PJA2: variants seen among roughly 807,000 people sequenced by gnomAD.
PJA2 encodes E3 ubiquitin-protein ligase Praja-2.
A neutral mutation model predicts 69.3 loss-of-function variants in PJA2; 25 were observed. The observed-to-expected ratio is 0.36, with a 90% CI of 0.26 to 0.50. PJA2 has a LOEUF of 0.50. Ranked by LOEUF, PJA2 falls within the 20% of genes least tolerant of loss-of-function variation. The pLI is 0.96. For missense variants in PJA2, 809 were observed against 830.2 expected (o/e 0.97, Z 0.31); for synonymous variants, 308 against 277.8 (o/e 1.11, Z -1.08).
At position 109,378,598 on chromosome 5, in the gene PJA2, G is replaced by A. The variant is rs754248565; in HGVS notation, c.889C>T (p.Gln297Ter). 6.2e-7 allele frequency: 1 copy of A among 1,614,012 alleles called. No homozygotes were observed. The change falls in exon 4 of 10, where the codon CAA (glutamine) becomes TAA (stop). Residue 297 changes from glutamine to a stop codon, truncating the protein, a stop_gained. Transcript: ENST00000361189. LOFTEE classifies it high-confidence loss of function. ...TTCTTTTCCCTATCATTGGTATTTT[G>A]TTCACTACAAATATGCCCTGGACCA... is the stretch of plus-strand genomic sequence containing the variant. ...ACGPGHICSE[Q>*]NTNDREKNHG...
Position 109,378,973 on chromosome 5 carries a change from C to CGCA in PJA2, c.513_514insTGC (p.Asp171_Gly172insCys). 1 of 1,614,102 alleles carries CGCA rather than the reference C, an allele frequency of 6.2e-7. No homozygotes were observed. Among genetic ancestry groups the CGCA allele is most frequent in the Non-Finnish European group, 8.5e-7 (1 of 1,180,006 alleles). ...TGGTCATTATCTTCTCCATGTTTGCCATCTGGATCATAAGAGTCTGTATGA... is the reference window on the plus strand; with the variant it reads ...TGGTCATTATCTTCTCCATGTTTGCCGCAATCTGGATCATAAGAGTCTGTATGA... On this transcript the variant is annotated inframe_insertion, in exon 4 of 10. Transcript: ENST00000361189.
Position 109,335,569 on chromosome 5 carries a change from GAAAC to G in PJA2, c.*1658_*1661del, listed in dbSNP as rs1302329212. ...ACAACTGATCAACAGTACTTAAAAG[GAAAC>G]AAACAAAAATCACACTAGCCACAAA... On this transcript the variant is annotated 3_prime_UTR_variant, in exon 10 of 10. Coordinates refer to ENST00000361189, the MANE Select transcript of PJA2 (RefSeq NM_014819.5). 2 of 152,002 alleles carry G rather than the reference GAAAC, an allele frequency of 1.3e-5. No homozygotes were observed. Among genetic ancestry groups the G allele is most frequent in the Non-Finnish European group, 2.9e-5 (2 of 67,986 alleles). The allele number at this position is 152,002 out of a possible 1,614,324, so 9.4% of individuals were successfully genotyped here.
At chr5:109,364,516 G>A (rs1190553090) in intron 5 of PJA2, among the ~76,000 whole-genome samples, 1 of 149,906 alleles carries the variant, frequency 6.7e-6, no homozygotes, top group Non-Finnish European at 1.5e-5. Flanking sequence ...CCAGCTACTT[G>A]GGAGGCTGAG....
chr5:109,383,777 A>G (rs546966581), intron 1 of PJA2, among the ~76,000 whole-genome samples: 8 of 152,256 alleles, frequency 5.3e-5, no homozygotes, highest in Non-Finnish European at 7.4e-5. Flanking sequence ...TGCAAGAAAT[A>G]CAAAAATTAG....
chr5:109,372,082 A>G (rs1001542641), intron 4 of PJA2, among the ~76,000 whole-genome samples: 18 of 152,258 alleles, frequency 1.2e-4, no homozygotes, highest in Admixed American at 2.0e-4. Flanking sequence ...GATAAGCAAT[A>G]GCCATTAAGT....
chr5:109,391,220 C>T (rs1314799239), intron 1 of PJA2, among the ~76,000 whole-genome samples: 1 of 152,144 alleles, frequency 6.6e-6, no homozygotes, highest in East Asian at 1.9e-4. Flanking sequence ...TTGTTATCTT[C>T]ATATAGCTCA....
chr5:109,401,994 T>C (rs570328773), intron 1 of PJA2, among the ~76,000 whole-genome samples: 5 of 152,332 alleles, frequency 3.3e-5, no homozygotes, highest in African/African-American at 9.6e-5. Context: ...GTAAATATAC[T>C]GTTGTAAAGC....
At chr5:109,379,403 A>C in intron 3 of PJA2, 149 bp from the exon 4 acceptor site, 3 of 632,212 alleles carry the variant, frequency 4.7e-6, no homozygotes, top group Non-Finnish European at 8.1e-6. Flanking sequence ...ATGCTCCTTA[A>C]CTGAGAATGC....
intron 1 of PJA2, among the ~76,000 whole-genome samples, chr5:109,405,974 CTGTG>C (rs2127020764): frequency 6.7e-6 from 1 of 150,200 alleles, no homozygotes; most frequent in South Asian, 2.1e-4. Flanking sequence ...TTATGTATCT[CTGTG>C]TGTCAAATGA....
intron 9 of PJA2, 119 bp from the exon 10 acceptor site, chr5:109,337,475 AACTTCAAATCCAC>A (rs1397682342): frequency 8.9e-7 from 1 of 1,121,732 alleles, no homozygotes; most frequent in Non-Finnish European, 1.2e-6. Context: ...ACAAAAAACA[AACTTCAAATCCAC>A]ACAATGCAGA....
chr5:109,353,168 TATA>T lies in PJA2; in HGVS notation c.1764+2744_1764+2746del, dbSNP rs1324163157. On this transcript the variant is annotated intron_variant, in intron 7 of 9. Transcript: ENST00000361189. Reference sequence around the variant, plus strand: ...TCTAGATATCTATATATTAGATATCTATAATATCTATAGATATCTATATATTAG... The same window carrying T: ...TCTAGATATCTATATATTAGATATCTATATCTATAGATATCTATATATTAG... Among the ~76,000 whole-genome samples the T allele has an allele frequency of 1.1e-3, 66 of 59,508 alleles. 2 individuals carry two copies. The highest frequency in any genetic ancestry group is 6.8e-3 in the South Asian group (16 of 2,338). The allele number at this position is 59,508 out of a possible 152,430, so 39.0% of individuals were successfully genotyped here.
chr5:109,376,752 T>C (rs1746897552), intron 4 of PJA2, among the ~76,000 whole-genome samples: 1 of 152,154 alleles, frequency 6.6e-6, no homozygotes, highest in Admixed American at 6.5e-5. Flanking sequence ...GCAATCTATT[T>C]CAAAATCTTA....
chr5:109,362,702 A>T (rs1206752675), intron 6 of PJA2, 138 bp downstream of exon 6: 8 of 831,368 alleles, frequency 9.6e-6, no homozygotes, highest in Non-Finnish European at 1.4e-5. Context: ...GGAACATTTG[A>T]AATGAGCTTT....
intron 6 of PJA2, among the ~76,000 whole-genome samples, chr5:109,361,047 G>C (rs1449092481): frequency 6.6e-6 from 1 of 152,090 alleles, no homozygotes; most frequent in Non-Finnish European, 1.5e-5. Context: ...AAAATCACTT[G>C]AACCCGGGAG....
At chr5:109,364,173 C>CAA (rs1762543019) in intron 5 of PJA2, among the ~76,000 whole-genome samples, 1 of 151,736 alleles carries the variant, frequency 6.6e-6, no homozygotes, top group Non-Finnish European at 1.5e-5. Context: ...GACTCATCAA[C>CAA]AAAATGTACT....
chr5:109,369,235 C>G (rs1476422879), intron 4 of PJA2, among the ~76,000 whole-genome samples: 3 of 152,132 alleles, frequency 2.0e-5, no homozygotes, highest in African/African-American at 7.2e-5. Flanking sequence ...ACTAATACAC[C>G]AGACATCATA....
intron 1 of PJA2, among the ~76,000 whole-genome samples, chr5:109,392,971 A>G (rs925744797): frequency 1.3e-5 from 2 of 152,220 alleles, no homozygotes; most frequent in Non-Finnish European, 2.9e-5. Context: ...AACAAAAACT[A>G]AAATTTCCTA....
chr5:109,356,276 T>C (rs1408535559), intron 6 of PJA2, among the ~76,000 whole-genome samples: 2 of 152,082 alleles, frequency 1.3e-5, no homozygotes, highest in African/African-American at 4.8e-5. Context: ...TGCACAAAAT[T>C]TGTAGAAAAA....
At chr5:109,398,759 T>A (rs1747474092) in intron 1 of PJA2, among the ~76,000 whole-genome samples, 1 of 151,556 alleles carries the variant, frequency 6.6e-6, no homozygotes, top group Non-Finnish European at 1.5e-5. Context: ...ACATGTACCC[T>A]AGAATTTAAA....
Sources: gnomAD v4.1 joint callset for allele counts (sites outside exome capture counted in the v4.1 genomes callset) on GRCh38, gnomAD v4.1.1 for gene constraint, MANE v1.5 for transcripts, NCBI Gene and HGNC (gene_info 2026-07-23, HGNC 2026-07-21) for gene names.